Variants in RPTOR observed in about 807,000 individuals in gnomAD.
RPTOR encodes regulatory-associated protein of mTOR.
In RPTOR, 21 loss-of-function variants were observed where a neutral mutation model predicts 169.9. The observed-to-expected ratio is 0.12, with a 90% CI of 0.09 to 0.18. The LOEUF (loss-of-function observed/expected upper bound fraction) is 0.18. Ranked by LOEUF, RPTOR falls within the 10% of genes least tolerant of loss-of-function variation. The probability of loss-of-function intolerance (pLI) is 1.00; values close to 1 mark genes in which losing one functional copy is unlikely to be tolerated. For synonymous variants in RPTOR, 732 were observed against 753.2 expected, an observed-to-expected ratio of 0.97 and a Z score of 0.46; for missense variants, 1,133 against 1,855.9, an observed-to-expected ratio of 0.61 and a Z score of 7.16.
At chr17:80,616,657 G>A (rs770775934) in intron 1 of RPTOR, among the ~76,000 whole-genome samples, 2 of 152,142 alleles carry the variant, frequency 1.3e-5, no homozygotes, top group African/African-American at 4.8e-5. Flanking sequence ...ACATGGTGGC[G>A]CATGCCTGTA....
intron 2 of RPTOR, among the ~76,000 whole-genome samples, chr17:80,639,754 G>A (rs1317729963): frequency 2.0e-5 from 3 of 152,242 alleles, no homozygotes; most frequent in Admixed American, 6.5e-5. Context: ...CAGTAGCATC[G>A]TGAAGGGCTG....
rs1460215385 is a variant in RPTOR, at chr17:80,743,892, G to A, written c.655-10118G>A. On this transcript the variant is annotated intron_variant, in intron 5 of 33. Coordinates refer to ENST00000306801, the MANE Select transcript of RPTOR (RefSeq NM_020761.3). Reference sequence around the variant, plus strand: ...TAGCACAGCCCTGGCTACTAGCACTGTCCTGGTTACGAGCACAGCCCTGGT... The same window carrying A: ...TAGCACAGCCCTGGCTACTAGCACTATCCTGGTTACGAGCACAGCCCTGGT... Among the ~76,000 whole-genome samples the A allele has an allele frequency of 9.9e-4, 72 of 72,470 alleles. 18 individuals carry two copies. The highest frequency in any genetic ancestry group is 1.1e-3 in the African/African-American group (18 of 16,764). The allele number at this position is 72,470 out of a possible 152,430, so 47.5% of individuals were successfully genotyped here. A position where few individuals can be genotyped will look rare whatever the true frequency, so the allele number is the denominator to read the frequency against.
At chr17:80,613,070 C>T (rs2065282567) in intron 1 of RPTOR, among the ~76,000 whole-genome samples, 1 of 152,132 alleles carries the variant, frequency 6.6e-6, no homozygotes, top group African/African-American at 2.4e-5. Context: ...AGATGAAGGC[C>T]CCCCTGCCCT....
intron 21 of RPTOR, among the ~76,000 whole-genome samples, chr17:80,913,847 T>C (rs1049309722): frequency 1.3e-5 from 2 of 152,130 alleles, no homozygotes; most frequent in African/African-American, 4.8e-5. Flanking sequence ...CCCCAGCAGT[T>C]CTCACCTCAG....
intron 1 of RPTOR, among the ~76,000 whole-genome samples, chr17:80,586,044 T>C (rs2065058042): frequency 6.6e-6 from 1 of 152,172 alleles, no homozygotes; most frequent in African/African-American, 2.4e-5. Context: ...ACAATGTTGT[T>C]TGCAGTTTGT....
At position 80,962,524 on chromosome 17, in the gene RPTOR, C is replaced by G. The variant is rs750566631; in HGVS notation, c.3756C>G (p.Ile1252Met). Residue 1252 changes from isoleucine to methionine, a missense_variant, in exon 32 of 34, where the codon ATC becomes ATG. This residue lies in a region of RPTOR where 410 missense variants were observed against 623.7 expected (regional missense o/e 0.66). Coordinates refer to ENST00000306801, the MANE Select transcript of RPTOR (RefSeq NM_020761.3). ...RMPESVNVLQ[I>M]VKGLTALDIH... is the part of the protein sequence containing the mutation. ...CTGAGTCGGTAAATGTGCTTCAGAT[C>G]GTGAAGGGGCTGACGGCCCTGGACA... 2 of 1,613,888 alleles carry G rather than the reference C, an allele frequency of 1.2e-6. No homozygotes were observed. Among genetic ancestry groups the G allele is most frequent in the Non-Finnish European group, 1.7e-6 (2 of 1,179,932 alleles).
At chr17:80,694,222 C>G (rs1278287078) in intron 3 of RPTOR, among the ~76,000 whole-genome samples, 2 of 152,208 alleles carry the variant, frequency 1.3e-5, no homozygotes, top group African/African-American at 4.8e-5. Flanking sequence ...GCAGTTGCCC[C>G]GTGCTCACGA....
intron 1 of RPTOR, among the ~76,000 whole-genome samples, chr17:80,605,536 G>C (rs112763709): frequency 4.2e-4 from 64 of 152,126 alleles, no homozygotes; most frequent in African/African-American, 1.5e-3. Context: ...GAGAGGAAGT[G>C]CATAGTCTTA....
rs1268914069 is a variant in RPTOR at position 80,685,620 on chromosome 17, TATATATA to T, written c.349-22220_349-22214del. On this transcript the variant is annotated intron_variant, in intron 3 of 33. Coordinates refer to ENST00000306801, the MANE Select transcript of RPTOR (RefSeq NM_020761.3). ...CCATTTCCATATATATATATATATATATATATATTTTTTTTTTTTTTTTTTTTTTTTT... is the reference window on the plus strand; with the variant it reads ...CCATTTCCATATATATATATATATATTTTTTTTTTTTTTTTTTTTTTTTTT... 6.0e-3 allele frequency among the ~76,000 whole-genome samples: 165 copies of T among 27,528 alleles called. 7 individuals are homozygous for T. The highest frequency in any genetic ancestry group is 0.037 in the East Asian group (32 of 872). The allele number at this position is 27,528 out of a possible 152,430, so 18.1% of individuals were successfully genotyped here. A position where few individuals can be genotyped will look rare whatever the true frequency, so the allele number is the denominator to read the frequency against.
At chr17:80,597,242 G>T (rs12450647) in intron 1 of RPTOR, among the ~76,000 whole-genome samples, 37,501 of 152,042 alleles carry the variant, frequency 0.25, 4,662 homozygotes, top group African/African-American at 0.29. Context: ...CTTGAGCTGG[G>T]ACTTGAAGAA....
chr17:80,833,070 C>T (rs572924752), intron 9 of RPTOR, among the ~76,000 whole-genome samples: 3 of 150,090 alleles, frequency 2.0e-5, no homozygotes, highest in South Asian at 4.3e-4. Context: ...TGAAACCCTG[C>T]GTTTCTCTGC....
intron 10 of RPTOR, among the ~76,000 whole-genome samples, chr17:80,841,834 A>C (rs1598346576): frequency 7.9e-6 from 1 of 126,058 alleles, no homozygotes; most frequent in African/African-American, 3.2e-5. Flanking sequence ...CTCTCACCGC[A>C]CGGCAGCTCA....
At chr17:80,662,067 A>C (rs1383683355) in intron 3 of RPTOR, among the ~76,000 whole-genome samples, 2 of 152,192 alleles carry the variant, frequency 1.3e-5, no homozygotes, top group Non-Finnish European at 2.9e-5. Flanking sequence ...ATTTATGTGT[A>C]GTAAAATGCG....
At chr17:80,908,191 C>T (rs1255036271) in intron 20 of RPTOR, among the ~76,000 whole-genome samples, 1 of 152,246 alleles carries the variant, frequency 6.6e-6, no homozygotes, top group Non-Finnish European at 1.5e-5. Flanking sequence ...CTGCTGGGTC[C>T]TGCCTTGTCT....
intron 6 of RPTOR, among the ~76,000 whole-genome samples, chr17:80,785,271 C>G (rs1229459482): frequency 6.6e-6 from 1 of 152,080 alleles, no homozygotes; most frequent in Non-Finnish European, 1.5e-5. Context: ...CTACCAAAGG[C>G]TAAAAATGAG....
At chr17:80,650,511 G>A (rs2065631952) in intron 3 of RPTOR, among the ~76,000 whole-genome samples, 1 of 152,204 alleles carries the variant, frequency 6.6e-6, no homozygotes, top group Non-Finnish European at 1.5e-5. Context: ...ACTGAGGGGT[G>A]GGGTGGGGAG....
Position 80,923,523 on chromosome 17 carries a change from C to A in RPTOR, c.2658C>A (p.Ser886=). 1 of 1,613,416 alleles carries A rather than the reference C, an allele frequency of 6.2e-7. No individual in the cohort carries two copies. Residue 886 remains serine, a synonymous_variant, in exon 23 of 34, where the codon TCC becomes TCA. Coordinates refer to ENST00000306801, the MANE Select transcript of RPTOR (RefSeq NM_020761.3). ...CTCCGGCGTCCAGCACCAGCAGCTCCAGCCTGACCAACGATGTGGCCAAGC... is the reference window on the plus strand; with the variant it reads ...CTCCGGCGTCCAGCACCAGCAGCTCAAGCCTGACCAACGATGTGGCCAAGC... The part of the protein sequence containing the change: ...GSPPASSTSS[S]SLTNDVAKQP...
At chr17:80,830,392 G>T (rs1598336530) in intron 9 of RPTOR, among the ~76,000 whole-genome samples, 2 of 152,198 alleles carry the variant, frequency 1.3e-5, no homozygotes, top group African/African-American at 2.4e-5. Context: ...TTCTCAGTCT[G>T]TATCAGTTCA....
intron 6 of RPTOR, among the ~76,000 whole-genome samples, chr17:80,761,194 C>T (rs2066733196): frequency 1.3e-5 from 2 of 152,258 alleles, no homozygotes; most frequent in East Asian, 1.9e-4. Context: ...AGATTTATTA[C>T]GCGTCTATTT....
Sources: allele counts gnomAD v4.1 joint callset (sites outside exome capture counted in the v4.1 genomes callset), GRCh38; gene constraint gnomAD v4.1.1; regional missense constraint gnomAD v4.1.1; transcripts MANE v1.5; gene names NCBI Gene and HGNC (gene_info 2026-07-23, HGNC 2026-07-21).